Variants in LEPR observed in about 807,000 individuals in gnomAD.
LEPR encodes the protein leptin receptor.
In LEPR, 56 loss-of-function variants were observed where a neutral mutation model predicts 114.7. The observed-to-expected ratio is 0.49, with a 90% confidence interval of 0.39 to 0.61. The LOEUF is 0.61. LEPR is among the 20% of genes least tolerant of loss of function. The pLI is 0.00. For synonymous variants in LEPR, 443 were observed against 461.4 expected, an observed-to-expected ratio of 0.96 and a Z score of 0.51; for missense variants, 1,202 against 1,352.9, an observed-to-expected ratio of 0.89 and a Z score of 1.75.
At chr1:65,516,268 A>G (rs1408209489) in intron 2 of LEPR, among the ~76,000 whole-genome samples, 4 of 152,070 alleles carry the variant, frequency 2.6e-5, no homozygotes, top group South Asian at 2.1e-4. Flanking sequence ...CCCTGTCTCT[A>G]CTAAAAATAC....
chr1:65,496,603 C>G (rs1648172087), intron 2 of LEPR, among the ~76,000 whole-genome samples: 3 of 152,104 alleles, frequency 2.0e-5, no homozygotes, highest in African/African-American at 7.2e-5. Context: ...AACACTTTTA[C>G]TTTAGAATTG....
chr1:65,591,763 C>A (rs1302937381), intron 5 of LEPR, among the ~76,000 whole-genome samples: 1 of 151,952 alleles, frequency 6.6e-6, no homozygotes, highest in East Asian at 1.9e-4. Flanking sequence ...TTTAATCCAG[C>A]ATGATAATCT....
chr1:65,426,763 C>A lies in LEPR; in HGVS notation c.-21+1385C>A, dbSNP rs141193937. On this transcript the variant is annotated intron_variant, in intron 2 of 19. Transcript: ENST00000349533. ...CCTGTAATCCCAGCACTTTGGGAGG[C>A]TGAGGCGGGCAGATCACGAGGTCAA... is the stretch of plus-strand genomic sequence containing the variant. Among the ~76,000 whole-genome samples the A allele has an allele frequency of 1.9e-4, 29 of 152,288 alleles. 2 individuals carry two copies. In the East Asian group the frequency reaches 5.6e-3, roughly 29 times the overall value.
rs138658158 is a variant in LEPR, at chr1:65,579,187, A to G, written c.494+6738A>G. 3.3e-3 allele frequency among the ~76,000 whole-genome samples: 504 copies of G among 152,318 alleles called. 4 individuals are homozygous for G. The highest frequency in any genetic ancestry group is 0.012 in the African/African-American group (480 of 41,556). On this transcript the variant is annotated intron_variant, in intron 5 of 19. Coordinates refer to ENST00000349533, the MANE Select transcript of LEPR (RefSeq NM_002303.6). The stretch of plus-strand genomic sequence containing the variant: ...ATATTGGGCAACCAGCAAGTAGACA[A>G]ATGTCCTTAACAAAAGTGACTGAGT...
chr1:65,485,192 G>C, intron 2 of LEPR, among the ~76,000 whole-genome samples: 1 of 152,102 alleles, frequency 6.6e-6, no homozygotes, highest in East Asian at 1.9e-4. Flanking sequence ...CATCCATAAA[G>C]CATTTCTTCA....
At chr1:65,538,947 T>A (rs1290534573) in intron 2 of LEPR, among the ~76,000 whole-genome samples, 1 of 152,008 alleles carries the variant, frequency 6.6e-6, no homozygotes, top group Non-Finnish European at 1.5e-5. Flanking sequence ...CTTGTATTTT[T>A]TTTGTGTGAT....
chr1:65,554,835 G>A (rs1652698299), intron 2 of LEPR, among the ~76,000 whole-genome samples: 1 of 152,126 alleles, frequency 6.6e-6, no homozygotes, highest in African/African-American at 2.4e-5. Flanking sequence ...CCAGGGCCCT[G>A]GTGGTGTAGG....
chr1:65,575,482 TA>T (rs1484526069), intron 5 of LEPR, among the ~76,000 whole-genome samples: 1 of 151,552 alleles, frequency 6.6e-6, no homozygotes, highest in African/African-American at 2.4e-5. Context: ...AAAGATCCTT[TA>T]TTTCATGTGT....
chr1:65,522,442 A>G (rs1253361818), intron 2 of LEPR, among the ~76,000 whole-genome samples: 1 of 152,180 alleles, frequency 6.6e-6, no homozygotes, highest in Non-Finnish European at 1.5e-5. Flanking sequence ...TAACCCATGT[A>G]AGTCAATGAA....
chr1:65,515,563 A>C (rs1649244123), intron 2 of LEPR, among the ~76,000 whole-genome samples: 1 of 152,236 alleles, frequency 6.6e-6, no homozygotes, highest in Non-Finnish European at 1.5e-5. Context: ...TTAGAAAAGC[A>C]TAAGGATATC....
At chr1:65,518,899 T>C (rs966736796) in intron 2 of LEPR, among the ~76,000 whole-genome samples, 6,359 of 98,590 alleles carry the variant, frequency 0.064, 160 homozygotes, top group Middle Eastern at 0.12. Flanking sequence ...CTTTCTTTCT[T>C]TCTTTCTTTC....
intron 10 of LEPR, among the ~76,000 whole-genome samples, chr1:65,604,290 C>G (rs959469596): frequency 6.6e-6 from 1 of 151,892 alleles, no homozygotes; most frequent in African/African-American, 2.4e-5. Flanking sequence ...ATAAGAATGT[C>G]TTTTTTTAGA....
chr1:65,609,987 T>C lies in LEPR; in HGVS notation c.1793T>C (p.Leu598Pro), dbSNP rs771805579. ...VYDAKSKSVSLPVPDLCAVYA... is the reference protein window; with the variant it reads ...VYDAKSKSVSPPVPDLCAVYA... ...GATGCAAAATCAAAATCTGTCAGTCTCCCAGTTCCAGACTTGTGTGCAGTC... is the reference window on the plus strand; with the variant it reads ...GATGCAAAATCAAAATCTGTCAGTCCCCCAGTTCCAGACTTGTGTGCAGTC... The change falls in exon 13 of 20, where the codon CTC (leucine) becomes CCC (proline). Residue 598 changes from leucine (L) to proline (P), a missense_variant. By Grantham distance (98) the Leu-to-Pro change is moderately conservative. Coordinates refer to ENST00000349533, the MANE Select transcript of LEPR (RefSeq NM_002303.6). 2 of 1,614,096 alleles carry C rather than the reference T, an allele frequency of 1.2e-6. No homozygotes were observed. The highest frequency in any genetic ancestry group is 2.2e-5 in the East Asian group (1 of 44,892).
rs1311406043 is a variant in LEPR, at chr1:65,558,506, T to TTG, written c.-20-7039_-20-7038insGT. 4.8e-4 allele frequency among the ~76,000 whole-genome samples: 41 copies of TTG among 84,764 alleles called. 1 individual carries two copies. The East Asian group carries it at 9.2e-3, about 19-fold the overall frequency. The allele number at this position is 84,764 out of a possible 152,430, so 55.6% of individuals were successfully genotyped here. A position where few individuals can be genotyped will look rare whatever the true frequency, so the allele number is the denominator to read the frequency against. ...CATGAGACATGTTTCTTAATGTTTTTTTTTTTTTTTGAATCAGAAGTTTTT... is the reference window on the plus strand; with the variant it reads ...CATGAGACATGTTTCTTAATGTTTTTTGTTTTTTTTTTGAATCAGAAGTTTTT... On this transcript the variant is annotated intron_variant, in intron 2 of 19. Transcript: ENST00000349533.
chr1:65,436,178 G>T (rs1427542258), intron 2 of LEPR, among the ~76,000 whole-genome samples: 1 of 152,186 alleles, frequency 6.6e-6, no homozygotes, highest in African/African-American at 2.4e-5. Flanking sequence ...AAGAGAAACA[G>T]TTCAGGAATG....
At chr1:65,625,572 T>C (rs1658150701) in intron 19 of LEPR, among the ~76,000 whole-genome samples, 1 of 152,192 alleles carries the variant, frequency 6.6e-6, no homozygotes, top group South Asian at 2.1e-4. Flanking sequence ...CACAACCTTA[T>C]AGTTGTAAAC....
intron 2 of LEPR, among the ~76,000 whole-genome samples, chr1:65,457,463 A>G (rs1438230365): frequency 1.3e-5 from 2 of 152,132 alleles, no homozygotes; most frequent in African/African-American, 4.8e-5. Flanking sequence ...TTCTTTCCTC[A>G]GCCACGTTCA....
chr1:65,538,723 G>T (rs1372204995), intron 2 of LEPR, among the ~76,000 whole-genome samples: 2 of 151,482 alleles, frequency 1.3e-5, no homozygotes, highest in African/African-American at 2.4e-5. Context: ...TTCTTCTCTG[G>T]AATCTTTTCT....
chr1:65,581,935 A>C (rs140200619), intron 5 of LEPR, among the ~76,000 whole-genome samples: 30 of 152,314 alleles, frequency 2.0e-4, no homozygotes, highest in African/African-American at 7.0e-4. Context: ...CCAATAAATT[A>C]TCTCTCACTT....
Sources: allele counts gnomAD v4.1 joint callset (sites outside exome capture counted in the v4.1 genomes callset), GRCh38; gene constraint gnomAD v4.1.1; transcripts MANE v1.5; gene names NCBI Gene and HGNC (gene_info 2026-07-23, HGNC 2026-07-21).